GRAMD1B: variants seen among roughly 807,000 people sequenced by gnomAD.
The protein encoded by GRAMD1B is GRAM domain containing 1B.
Under a neutral mutation model 99.7 loss-of-function variants are expected in GRAMD1B, and 37 were observed. The ratio of observed to expected loss-of-function variants is 0.37; its 90% confidence interval spans 0.29 to 0.49. The LOEUF is 0.49. Ranked by LOEUF, GRAMD1B falls within the 20% of genes least tolerant of loss-of-function variation. The pLI is 0.98. For missense variants in GRAMD1B, 888 were observed against 1,009.2 expected, an observed-to-expected ratio of 0.88 and a Z score of 1.63; for synonymous variants, 427 against 387.6, an observed-to-expected ratio of 1.10 and a Z score of -1.19.
At chr11:123,451,239 G>A (rs563334332) in intron 1 of GRAMD1B, among the ~76,000 whole-genome samples, 15 of 152,214 alleles carry the variant, frequency 9.9e-5, no homozygotes, top group Non-Finnish European at 1.8e-4. Flanking sequence ...GATTGCTGTA[G>A]CACTGGCACA....
chr11:123,526,344 C>G (rs1464980137), intron 2 of GRAMD1B, among the ~76,000 whole-genome samples: 1 of 152,136 alleles, frequency 6.6e-6, no homozygotes, highest in East Asian at 1.9e-4. Context: ...GCTCCCCCAG[C>G]TGCTGCACTG....
intron 4 of GRAMD1B, among the ~76,000 whole-genome samples, chr11:123,586,117 G>A (rs1259768900): frequency 6.6e-6 from 1 of 152,134 alleles, no homozygotes; most frequent in African/African-American, 2.4e-5. Context: ...GCCTCCGCCT[G>A]AGTACTCAGC....
intron 1 of GRAMD1B, among the ~76,000 whole-genome samples, chr11:123,391,216 A>T (rs1750077551): frequency 6.6e-6 from 1 of 152,152 alleles, no homozygotes; most frequent in African/African-American, 2.4e-5. Flanking sequence ...TACTATTTTA[A>T]AAATAAAATT....
intron 3 of GRAMD1B, chr11:123,578,415 C>T: frequency 6.5e-7 from 1 of 1,532,128 alleles, no homozygotes; most frequent in African/African-American, 1.4e-5. Flanking sequence ...CTTAGTCTCA[C>T]AAGCGCCTCT....
chr11:123,526,710 G>A (rs1942805749), intron 2 of GRAMD1B, among the ~76,000 whole-genome samples: 1 of 152,082 alleles, frequency 6.6e-6, no homozygotes, highest in Non-Finnish European at 1.5e-5. Context: ...AGAGGCGAGT[G>A]GACCGCTGCC....
intron 2 of GRAMD1B, among the ~76,000 whole-genome samples, chr11:123,533,399 T>C (rs1383882931): frequency 6.6e-6 from 1 of 152,118 alleles, no homozygotes; most frequent in Non-Finnish European, 1.5e-5. Flanking sequence ...TTTAATTCAC[T>C]CTATATTTTA....
chr11:123,421,336 G>T (rs1396453323), intron 1 of GRAMD1B, among the ~76,000 whole-genome samples: 1 of 152,224 alleles, frequency 6.6e-6, no homozygotes, highest in Non-Finnish European at 1.5e-5. Context: ...GCCAACAAAT[G>T]CAGACTGACT....
Position 123,619,153 on chromosome 11 carries a change from C to T in GRAMD1B, c.2473C>T (p.Gln825Ter). The change falls in exon 19 of 20, where the codon CAA (glutamine) becomes TAA (stop). Residue 825 changes from glutamine to a stop codon, truncating the protein, a stop_gained. Coordinates refer to ENST00000635736, the MANE Select transcript of GRAMD1B (RefSeq NM_001387025.1). LOFTEE classifies it high-confidence loss of function. ...ATGGGCCCAGCTCTTAGAGTCCCAA[C>T]AAAAGTACCACGATACTGAGCTCCA... ...TEWAQLLESQ[Q>*]KYHDTELQKW... 6.4e-7 allele frequency: 1 copy of T among 1,571,070 alleles called. No individual in the cohort carries two copies.
Position 123,603,524 on chromosome 11 carries a change from C to T in GRAMD1B, c.1149C>T (p.Asp383=), listed in dbSNP as rs769186696. 126 of 1,609,796 alleles carry T rather than the reference C, an allele frequency of 7.8e-5. No individual in the cohort carries two copies. Among genetic ancestry groups the T allele is most frequent in the Admixed American group, 1.8e-4 (11 of 60,008 alleles). Reference sequence around the variant, plus strand: ...ACGAGGACTACGTGCCCCCTGACGACGACTTCAACACAATGGGGTGAGTGA... The same window carrying T: ...ACGAGGACTACGTGCCCCCTGACGATGACTTCAACACAATGGGGTGAGTGA... ...SDDEDYVPPD[D]DFNTMGYCEE... is the part of the protein sequence containing the mutation. The change falls in exon 9 of 20, where the codon GAC becomes GAT. Residue 383 remains aspartate, a synonymous_variant. Coordinates refer to ENST00000635736, the MANE Select transcript of GRAMD1B (RefSeq NM_001387025.1).
At chr11:123,577,658 C>T (rs935896601) in intron 3 of GRAMD1B, 81 bp downstream of exon 3, 60 of 1,047,392 alleles carry the variant, frequency 5.7e-5, no homozygotes, top group Non-Finnish European at 7.6e-5. Context: ...CGGAGAACAT[C>T]TGCGAGGGTC....
rs201519798 is a variant in GRAMD1B, at chr11:123,495,676, TTC to T, written c.452+14785_452+14786del. On this transcript the variant is annotated intron_variant, in intron 2 of 19. Transcript: ENST00000635736. The stretch of plus-strand genomic sequence containing the variant: ...AACCATGCGAAGTTTGTCTTTCTTC[TTC>T]TTTTTTTTTTTTTTGTCTTTTCTTG... Among the ~76,000 whole-genome samples, 1,413 of 142,924 alleles carry T rather than the reference TTC, an allele frequency of 9.9e-3. 11 individuals are homozygous for T. The highest frequency in any genetic ancestry group is 0.032 in the African/African-American group (1,247 of 38,822). The allele number at this position is 142,924 out of a possible 152,430, so 93.8% of individuals were successfully genotyped here. A position where few individuals can be genotyped will look rare whatever the true frequency, so the allele number is the denominator to read the frequency against.
At chr11:123,478,273 A>G (rs952798330) in intron 1 of GRAMD1B, among the ~76,000 whole-genome samples, 10 of 152,168 alleles carry the variant, frequency 6.6e-5, no homozygotes, top group African/African-American at 2.2e-4. Flanking sequence ...CAGCCTCCCA[A>G]AGTGCTGGGA....
intron 17 of GRAMD1B, among the ~76,000 whole-genome samples, chr11:123,616,485 T>C (rs1224268393): frequency 6.6e-6 from 1 of 152,256 alleles, no homozygotes; most frequent in African/African-American, 2.4e-5. Context: ...GTGTTTAAGC[T>C]CTTTCTGCAT....
rs1452458463 is a variant in GRAMD1B, at chr11:123,430,912, C to T, written c.120C>T (p.Arg40=). Residue 40 remains arginine (R), a synonymous_variant, in exon 1 of 20, where the codon CGC becomes CGT. Coordinates refer to ENST00000635736, the MANE Select transcript of GRAMD1B (RefSeq NM_001387025.1). ...WSSSSTPTLR[R]RRFKMRRMKN... ...GTTCGTCGACCCCCACGCTTCGCCG[C>T]CGGCGCTTCAAGATGCGCCGCATGA... The T allele has an allele frequency of 5.7e-6, 4 of 702,712 alleles. No homozygotes were observed. The Admixed American group carries it at 6.0e-5, about 11-fold the overall frequency. The allele number at this position is 702,712 out of a possible 1,614,324, so 43.5% of individuals were successfully genotyped here.
chr11:123,438,947 C>T (rs1422809754), intron 1 of GRAMD1B, among the ~76,000 whole-genome samples: 2 of 152,144 alleles, frequency 1.3e-5, no homozygotes, highest in African/African-American at 4.8e-5. Context: ...AAGGCTGGCC[C>T]GGAGAGCCTG....
intron 2 of GRAMD1B, among the ~76,000 whole-genome samples, chr11:123,516,706 C>T (rs923076650): frequency 3.3e-5 from 5 of 152,110 alleles, no homozygotes; most frequent in African/African-American, 1.2e-4. Flanking sequence ...AACCTATGCT[C>T]GTTTTGGAAA....
rs1253601710 is a variant in GRAMD1B at position 123,472,213 on chromosome 11, GC to G, written c.375-8602del. Among the ~76,000 whole-genome samples, 3 of 149,514 alleles carry G rather than the reference GC, an allele frequency of 2.0e-5. No homozygotes were observed. In the East Asian group the frequency reaches 5.9e-4, roughly 29 times the overall value. ...ACTGCACTCCAGCCTGGGCAATGGA[GC>G]AAGACTCTGTCTCAAAAAAAAAAAA... On this transcript the variant is annotated intron_variant, in intron 1 of 19. Transcript: ENST00000635736.
intron 7 of GRAMD1B, 138 bp downstream of exon 7, chr11:123,596,175 G>C: frequency 1.8e-6 from 1 of 560,922 alleles, no homozygotes; most frequent in South Asian, 2.3e-5. Context: ...GCAGATTCCA[G>C]GAAGCACCTC....
intron 2 of GRAMD1B, chr11:123,526,126 A>G: frequency 1.9e-6 from 3 of 1,610,972 alleles, no homozygotes; most frequent in South Asian, 2.2e-5. Context: ...GGACACGGTC[A>G]GTGGATTATC....
Sources: allele counts gnomAD v4.1 joint callset (sites outside exome capture counted in the v4.1 genomes callset), GRCh38; gene constraint gnomAD v4.1.1; transcripts MANE v1.5; gene names NCBI Gene and HGNC (gene_info 2026-07-23, HGNC 2026-07-21).